The following NPHP1 variants were observed in gnomAD, a reference collection of about 807,000 sequenced individuals.
The protein encoded by NPHP1 is nephrocystin-1.
NPHP1 carries 70 observed loss-of-function variants against 90.4 expected under a neutral mutation model. That is an observed-to-expected ratio of 0.77 (90% confidence interval 0.64 to 0.95). The LOEUF (loss-of-function observed/expected upper bound fraction) is 0.95. Ranked by LOEUF, NPHP1 falls within the 40% of genes least tolerant of loss-of-function variation. The probability of loss-of-function intolerance (pLI) is 0.00; values close to 1 mark genes in which losing one functional copy is unlikely to be tolerated. For missense variants in NPHP1, 764 were observed against 795.9 expected, an observed-to-expected ratio of 0.96 and a Z score of 0.48; for synonymous variants, 256 against 271.7, an observed-to-expected ratio of 0.94 and a Z score of 0.57.
intron 11 of NPHP1, among the ~76,000 whole-genome samples, chr2:110,155,109 A>C (rs1181222631): frequency 6.6e-6 from 1 of 152,072 alleles, no homozygotes; most frequent in Non-Finnish European, 1.5e-5. Flanking sequence ...CAGCCACTCC[A>C]GCTGTGACTA....
chr2:110,136,396 G>C (rs1245522628), intron 16 of NPHP1, among the ~76,000 whole-genome samples: 1 of 152,086 alleles, frequency 6.6e-6, no homozygotes, highest in Non-Finnish European at 1.5e-5. Flanking sequence ...CCTGTTTGCA[G>C]ATGACATGAT....
intron 4 of NPHP1, 122 bp from the exon 5 acceptor site, chr2:110,170,120 A>G (rs1208413314): frequency 7.7e-7 from 1 of 1,299,864 alleles, no homozygotes; most frequent in Non-Finnish European, 1.1e-6. Context: ...AAAAGAAATA[A>G]GGGAAAATAC....
intron 2 of NPHP1, among the ~76,000 whole-genome samples, chr2:110,180,893 A>G (rs1430610920): frequency 6.6e-6 from 1 of 152,316 alleles, no homozygotes; most frequent in East Asian, 1.9e-4. Context: ...GTGGTGTCTC[A>G]GCAGAGCAGC....
intron 6 of NPHP1, among the ~76,000 whole-genome samples, chr2:110,166,729 G>A (rs1682753648): frequency 6.6e-6 from 1 of 152,100 alleles, no homozygotes; most frequent in African/African-American, 2.4e-5. Context: ...TTTTTGGGGG[G>A]ATCTTTTTGC....
chr2:110,169,798 C>T lies in NPHP1; in HGVS notation c.522+8G>A, dbSNP rs754307135. 2.3e-5 allele frequency: 37 copies of T among 1,597,396 alleles called. No individual in the cohort carries two copies. Among genetic ancestry groups the T allele is most frequent in the Non-Finnish European group, 3.0e-5 (35 of 1,165,016 alleles). Reference sequence around the variant, plus strand: ...CCTTAGGTTAGGTTTCAGTCTTATTCTACCTACCTTAAATGTAAGATCTCC... The same window carrying T: ...CCTTAGGTTAGGTTTCAGTCTTATTTTACCTACCTTAAATGTAAGATCTCC... On this transcript the variant is annotated splice_region_variant and intron_variant, in intron 5 of 19. Transcript: ENST00000445609.
At chr2:110,201,706 C>A (rs1220332507) in intron 1 of NPHP1, among the ~76,000 whole-genome samples, 1 of 152,254 alleles carries the variant, frequency 6.6e-6, no homozygotes, top group East Asian at 1.9e-4. Flanking sequence ...CCACCTTATG[C>A]CTTTCAAAGT....
At chr2:110,137,516 A>G (rs1680288575) in intron 16 of NPHP1, among the ~76,000 whole-genome samples, 1 of 152,210 alleles carries the variant, frequency 6.6e-6, no homozygotes, top group Admixed American at 6.5e-5. Context: ...TGGGCGAAGG[A>G]TATGAACAGA....
chr2:110,124,052 C>T lies in NPHP1; in HGVS notation c.1773G>A (p.Glu591=). 1.2e-6 allele frequency: 2 copies of T among 1,614,060 alleles called. No homozygotes were observed. The highest frequency in any genetic ancestry group is 2.2e-5 in the South Asian group (2 of 91,070). ...TLKRSEKRDK[E]FLKSTFLLVY... ...CCAGGAGAAACGTGGACTTCAGGAA[C>T]TCTTTGTCTCTCTGGGAAAACACCA... The change falls in exon 20 of 20, where the codon GAG becomes GAA. Residue 591 remains glutamate, a synonymous_variant. Coordinates refer to ENST00000445609, the MANE Select transcript of NPHP1 (RefSeq NM_001128178.3).
Position 110,161,709 on chromosome 2 carries a change from A to AT in NPHP1, c.860-13dup. ...TCGAAATTGATTCCCTGAAAAAATCATTTTTTCTTCATTTTCTTACAAAGA... is the reference window on the plus strand; with the variant it reads ...TCGAAATTGATTCCCTGAAAAAATCATTTTTTTCTTCATTTTCTTACAAAGA... On this transcript the variant is annotated splice_polypyrimidine_tract_variant and intron_variant, in intron 9 of 19. Transcript: ENST00000445609. 1 of 1,582,730 alleles carries AT rather than the reference A, an allele frequency of 6.3e-7. No individual in the cohort carries two copies. Among genetic ancestry groups the AT allele is most frequent in the Non-Finnish European group, 8.7e-7 (1 of 1,151,982 alleles).
intron 2 of NPHP1, among the ~76,000 whole-genome samples, chr2:110,192,904 C>A (rs1235823509): frequency 6.6e-6 from 1 of 152,088 alleles, no homozygotes; most frequent in Non-Finnish European, 1.5e-5. Context: ...TCCAGCCAAA[C>A]TAAGCTTCAT....
chr2:110,201,301 C>T, intron 2 of NPHP1, 120 bp downstream of exon 2: 1 of 763,050 alleles, frequency 1.3e-6, no homozygotes, highest in Non-Finnish European at 2.3e-6. Context: ...CTACATTCAA[C>T]TTACAACACT....
intron 4 of NPHP1, chr2:110,178,139 A>G: frequency 2.0e-6 from 1 of 495,162 alleles, no homozygotes; most frequent in Non-Finnish European, 3.6e-6. Flanking sequence ...GACATTAAAT[A>G]TATCATCTTT....
Position 110,163,408 on chromosome 2 carries a change from T to C in NPHP1, c.772-273A>G, listed in dbSNP as rs576337081. 8.9e-6 allele frequency: 4 copies of C among 448,630 alleles called. No individual in the cohort carries two copies. The East Asian group carries it at 1.3e-4, about 14-fold the overall frequency. 27.8% of individuals were successfully genotyped at this position (448,630 alleles called of 1,614,324 possible). ...AAGTATACCCTTATCAAAATGTCCCTGCTCCTGTCCTGCTCCACCCTGCGC... is the reference window on the plus strand; with the variant it reads ...AAGTATACCCTTATCAAAATGTCCCCGCTCCTGTCCTGCTCCACCCTGCGC... On this transcript the variant is annotated intron_variant, in intron 8 of 19. Transcript: ENST00000445609.
rs541488902 is a variant in NPHP1, at chr2:110,193,764, A to T, written c.143+7657T>A. 3.7e-3 allele frequency among the ~76,000 whole-genome samples: 563 copies of T among 152,120 alleles called. 3 individuals are homozygous for T. Among genetic ancestry groups the T allele is most frequent in the Non-Finnish European group, 6.9e-3 (466 of 67,946 alleles). ...TTGACCACATAGTTGGAAGTAAAGC[A>T]CTCCTCAGCAAATGTAAAAGAACAG... On this transcript the variant is annotated intron_variant, in intron 2 of 19. Transcript: ENST00000445609.
At chr2:110,185,123 T>C in intron 2 of NPHP1, 1 of 580,490 alleles carries the variant, frequency 1.7e-6, no homozygotes, top group Admixed American at 1.9e-5. Context: ...AAGATGTGGG[T>C]CTCCAAGAAG....
intron 12 of NPHP1, among the ~76,000 whole-genome samples, 175 bp downstream of exon 12, chr2:110,150,007 G>A (rs1386836549): frequency 6.6e-6 from 1 of 152,152 alleles, no homozygotes; most frequent in Non-Finnish European, 1.5e-5. Flanking sequence ...ATGATTCATA[G>A]GAATTACTAA....
chr2:110,161,421 T>G (rs569539604), intron 10 of NPHP1, among the ~76,000 whole-genome samples, 182 bp downstream of exon 10: 11 of 152,258 alleles, frequency 7.2e-5, no homozygotes, highest in Non-Finnish European at 8.8e-5. Context: ...AGAAACAAGA[T>G]AAAGTCAAGG....
At chr2:110,178,622 T>A in intron 3 of NPHP1, 75 bp from the exon 4 acceptor site, 1 of 1,387,576 alleles carries the variant, frequency 7.2e-7, no homozygotes, top group Non-Finnish European at 1.0e-6. Flanking sequence ...AACAAAAAAT[T>A]CCAATAAGTG....
At chr2:110,203,391 T>G (rs896457453) in intron 1 of NPHP1, among the ~76,000 whole-genome samples, 89 of 152,216 alleles carry the variant, frequency 5.8e-4, no homozygotes, top group African/African-American at 2.1e-3. Context: ...GACCTGCACA[T>G]GTACCCCCTG....
Sources: gnomAD v4.1 joint callset for allele counts (sites outside exome capture counted in the v4.1 genomes callset) on GRCh38, gnomAD v4.1.1 for gene constraint, MANE v1.5 for transcripts, NCBI Gene and HGNC (gene_info 2026-07-23, HGNC 2026-07-21) for gene names.